Variants in PIEZO2 observed in about 807,000 individuals in gnomAD.
PIEZO2 encodes the protein piezo-type mechanosensitive ion channel component 2.
A neutral mutation model predicts 337.3 loss-of-function variants in PIEZO2; 172 were observed. That is an observed-to-expected ratio of 0.51 (90% CI 0.45 to 0.58). PIEZO2 has a LOEUF of 0.58. Among genes scored for constraint, PIEZO2 ranks in the 20% least tolerant of loss-of-function variants. The pLI is 0.00. For missense variants in PIEZO2, 3,028 were observed against 3,391.3 expected, an observed-to-expected ratio of 0.89 and a Z score of 2.66; for synonymous variants, 1,251 against 1,228.5, an observed-to-expected ratio of 1.02 and a Z score of -0.38.
At chr18:10,948,552 G>A (rs1030733057) in intron 3 of PIEZO2, among the ~76,000 whole-genome samples, 8 of 152,290 alleles carry the variant, frequency 5.3e-5, no homozygotes, top group Middle Eastern at 3.4e-3. Context: ...TGGGTGTTGA[G>A]AGTCTGTGAG....
intron 2 of PIEZO2, among the ~76,000 whole-genome samples, chr18:11,042,298 G>A (rs1351295443): frequency 1.3e-5 from 2 of 152,206 alleles, no homozygotes; most frequent in Non-Finnish European, 2.9e-5. Context: ...GGAGCCAGGA[G>A]CAGCTGTCAC....
At position 10,726,640 on chromosome 18, in the gene PIEZO2, C is replaced by T; in HGVS notation, c.5029+4767G>A. On this transcript the variant is annotated intron_variant, in intron 36 of 55. Coordinates refer to ENST00000674853, the MANE Select transcript of PIEZO2 (RefSeq NM_001378183.1). The surrounding 1 kb of genome is among the most constrained non-coding windows in gnomAD (Gnocchi z 5.9). ...CGACGTGCGCTGGGAGTACTGCGCG[C>T]GCGCCAAGCGCGGCCAGACAGACAC... The T allele has an allele frequency of 1.4e-6, 2 of 1,397,684 alleles. No individual in the cohort carries two copies. Among genetic ancestry groups the T allele is most frequent in the East Asian group, 2.5e-5 (1 of 40,796 alleles). 86.6% of individuals were successfully genotyped at this position (1,397,684 alleles called of 1,614,324 possible). A position where few individuals can be genotyped will look rare whatever the true frequency, so the allele number is the denominator to read the frequency against.
In PIEZO2 at chr18:11,083,124, C is replaced by T. The variant is rs1467867355; in HGVS notation, c.65-16902G>A. ...CCATGGGAATCCCATGCTAAGCATC[C>T]ATCACCGTTCTCTACCTTTGCATAC... On this transcript the variant is annotated intron_variant, in intron 1 of 55. Transcript: ENST00000674853. The surrounding 1 kb of genome is among the most constrained non-coding windows in gnomAD (Gnocchi z 4.4). 6.6e-6 allele frequency among the ~76,000 whole-genome samples: 1 copy of T among 152,208 alleles called. No homozygotes were observed. The highest frequency in any genetic ancestry group is 1.5e-5 in the Non-Finnish European group (1 of 68,044).
chr18:10,709,945 G>A (rs534824258), intron 39 of PIEZO2, among the ~76,000 whole-genome samples: 1 of 152,376 alleles, frequency 6.6e-6, no homozygotes, highest in Non-Finnish European at 1.5e-5. Flanking sequence ...ACAATGACAA[G>A]ATAAATTAGA....
chr18:10,984,881 T>C (rs553251164), intron 2 of PIEZO2, among the ~76,000 whole-genome samples: 7 of 152,268 alleles, frequency 4.6e-5, no homozygotes, highest in East Asian at 3.9e-4. Flanking sequence ...TTCAAAAGGC[T>C]ATCAGTAGAT....
chr18:10,761,254 T>C (rs1412235816), intron 23 of PIEZO2, 143 bp from the exon 24 acceptor site: 2 of 706,174 alleles, frequency 2.8e-6, no homozygotes, highest in African/African-American at 1.8e-5. Flanking sequence ...TCAATATTCG[T>C]TTTCTCTGTC....
At chr18:10,730,808 G>A (rs1216810059) in intron 36 of PIEZO2, among the ~76,000 whole-genome samples, 1 of 152,028 alleles carries the variant, frequency 6.6e-6, no homozygotes, top group Non-Finnish European at 1.5e-5. Context: ...CTCACTGCAA[G>A]CTCCGCCTCC....
chr18:11,084,107 G>C (rs565014988), intron 1 of PIEZO2, among the ~76,000 whole-genome samples: 26 of 150,746 alleles, frequency 1.7e-4, no homozygotes, highest in South Asian at 1.7e-3. Context: ...AACCTGGGGG[G>C]TGGAGGCTGC....
intron 34 of PIEZO2, among the ~76,000 whole-genome samples, chr18:10,736,245 G>T (rs1279542329): frequency 6.6e-6 from 1 of 152,234 alleles, no homozygotes; most frequent in Non-Finnish European, 1.5e-5. Flanking sequence ...TACATTGAAT[G>T]TAAGTCCATT....
chr18:10,855,128 T>C lies in PIEZO2; in HGVS notation c.917+225A>G, dbSNP rs1414850318. Reference sequence around the variant, plus strand: ...CATGACAGCTCCCTGTCCTCCTGCATCCCAGCGGCATCTCCATCTGAAGAG... The same window carrying C: ...CATGACAGCTCCCTGTCCTCCTGCACCCCAGCGGCATCTCCATCTGAAGAG... On this transcript the variant is annotated intron_variant, in intron 7 of 55. Coordinates refer to ENST00000674853, the MANE Select transcript of PIEZO2 (RefSeq NM_001378183.1). The surrounding 1 kb of genome is among the most constrained non-coding windows in gnomAD (Gnocchi z 4.9). 1.3e-5 allele frequency among the ~76,000 whole-genome samples: 2 copies of C among 152,152 alleles called. No individual in the cohort carries two copies. The highest frequency in any genetic ancestry group is 1.3e-4 in the Admixed American group (2 of 15,268).
intron 1 of PIEZO2, among the ~76,000 whole-genome samples, chr18:11,145,214 T>A (rs745909667): frequency 2.0e-5 from 3 of 152,190 alleles, no homozygotes; most frequent in Non-Finnish European, 4.4e-5. Context: ...TGCATATCCA[T>A]CACAGGATGT....
intron 32 of PIEZO2, 79 bp downstream of exon 32, chr18:10,742,415 T>C: frequency 2.8e-6 from 4 of 1,444,984 alleles, no homozygotes; most frequent in Non-Finnish European, 3.7e-6. Context: ...TAAGAAGTAA[T>C]GTTATTTTAC....
chr18:10,916,905 C>T lies in PIEZO2; in HGVS notation c.287-5677G>A, dbSNP rs191615142. 1.5e-3 allele frequency among the ~76,000 whole-genome samples: 235 copies of T among 152,290 alleles called. 1 individual carries two copies. The highest frequency in any genetic ancestry group is 6.8e-3 in the Middle Eastern group (2 of 294). On this transcript the variant is annotated intron_variant, in intron 3 of 55. Transcript: ENST00000674853. ...CCTCCCTATCATGTGTCTCCTGCCTCCTGCCATCTGATTATAATTTTTAAA... is the reference window on the plus strand; with the variant it reads ...CCTCCCTATCATGTGTCTCCTGCCTTCTGCCATCTGATTATAATTTTTAAA...
At position 10,888,597 on chromosome 18, in the gene PIEZO2, A is replaced by G. The variant is rs1298595365; in HGVS notation, c.330-17182T>C. On this transcript the variant is annotated intron_variant, in intron 4 of 55. Coordinates refer to ENST00000674853, the MANE Select transcript of PIEZO2 (RefSeq NM_001378183.1). This position sits in a 1 kb window ranked among gnomAD's most constrained non-coding sequence, Gnocchi z 4.1. ...CGCATATGCCTTTACAACTATTTCC[A>G]TATCTTCTTGTGTATCTGTGTTTTT... Among the ~76,000 whole-genome samples, 1 of 151,646 alleles carries G rather than the reference A, an allele frequency of 6.6e-6. No individual in the cohort carries two copies. The highest frequency in any genetic ancestry group is 2.4e-5 in the African/African-American group (1 of 41,254).
intron 36 of PIEZO2, among the ~76,000 whole-genome samples, chr18:10,722,087 G>T (rs118097006): frequency 0.023 from 3,387 of 149,366 alleles, 55 homozygotes; most frequent in Middle Eastern, 0.049. Flanking sequence ...GGAGACGGAG[G>T]TTGCAATGAG....
chr18:11,073,921 G>A (rs1250164952), intron 1 of PIEZO2, among the ~76,000 whole-genome samples: 2 of 148,126 alleles, frequency 1.4e-5, no homozygotes, highest in Non-Finnish European at 3.0e-5. Context: ...ATCTCGGCTC[G>A]CTGCAACCTC....
In PIEZO2 at chr18:10,791,187, A is replaced by G. The variant is rs2144174393; in HGVS notation, c.1882+14T>C. The stretch of plus-strand genomic sequence containing the variant: ...AGCACCAAACTCTCCAGCCACACAT[A>G]TACACTAATTTACCTTTTTCTTCAT... On this transcript the variant is annotated intron_variant, in intron 14 of 55. Transcript: ENST00000674853. The G allele has an allele frequency of 6.5e-7, 1 of 1,531,092 alleles. No homozygotes were observed. Among genetic ancestry groups the G allele is most frequent in the Non-Finnish European group, 8.7e-7 (1 of 1,143,770 alleles). 94.8% of individuals were successfully genotyped at this position (1,531,092 alleles called of 1,614,324 possible).
At chr18:10,867,288 C>G (rs1434173059) in intron 5 of PIEZO2, among the ~76,000 whole-genome samples, 1 of 152,142 alleles carries the variant, frequency 6.6e-6, no homozygotes, top group Non-Finnish European at 1.5e-5. Context: ...TTCTCTCAGT[C>G]TTTGTCTCTT....
rs2033741970 is a variant in PIEZO2 at position 10,670,904 on chromosome 18, A to G, written c.*623T>C. The G allele has an allele frequency of 6.7e-6, 1 of 148,810 alleles. No homozygotes were observed. The highest frequency in any genetic ancestry group is 2.1e-4 in the South Asian group (1 of 4,700). 9.2% of individuals were successfully genotyped at this position (148,810 alleles called of 1,614,324 possible). A position where few individuals can be genotyped will look rare whatever the true frequency, so the allele number is the denominator to read the frequency against. On this transcript the variant is annotated 3_prime_UTR_variant, in exon 56 of 56. Coordinates refer to ENST00000674853, the MANE Select transcript of PIEZO2 (RefSeq NM_001378183.1). Reference sequence around the variant, plus strand: ...CTGGTGTTTAATGGAAAGGTATCCTATTAGTCCTTGGTTAAGATAAGGCAG... The same window carrying G: ...CTGGTGTTTAATGGAAAGGTATCCTGTTAGTCCTTGGTTAAGATAAGGCAG...
Sources: allele counts gnomAD v4.1 joint callset (sites outside exome capture counted in the v4.1 genomes callset), GRCh38; gene constraint gnomAD v4.1.1; non-coding constraint Gnocchi (gnomAD v3.1); transcripts MANE v1.5; gene names NCBI Gene and HGNC (gene_info 2026-07-23, HGNC 2026-07-21).